Variants in UGGT2 observed in about 807,000 individuals in gnomAD.
UGGT2 encodes UDP-glucose:glycoprotein glucosyltransferase 2.
In UGGT2, 180 loss-of-function variants were observed where a neutral mutation model predicts 192.1. That is an observed-to-expected ratio of 0.94 (90% CI 0.83 to 1.06). The LOEUF (loss-of-function observed/expected upper bound fraction) is 1.06. Among genes scored for constraint, UGGT2 ranks in the 50% least tolerant of loss-of-function variants. The pLI is 0.00. For synonymous variants in UGGT2, 580 were observed against 591.0 expected (o/e 0.98, Z 0.27); for missense variants, 1,849 against 1,795.7 (o/e 1.03, Z -0.54).
intron 15 of UGGT2, among the ~76,000 whole-genome samples, chr13:95,944,383 C>T (rs971122827): frequency 6.6e-6 from 1 of 152,016 alleles, no homozygotes; most frequent in African/African-American, 2.4e-5. Context: ...AACATGGTCT[C>T]CAAATTCTTC....
chr13:96,002,245 T>C (rs889666493), intron 5 of UGGT2, among the ~76,000 whole-genome samples: 2 of 152,230 alleles, frequency 1.3e-5, no homozygotes, highest in African/African-American at 4.8e-5. Context: ...TTGATGGTAA[T>C]GTATCCATCC....
At chr13:95,802,587 G>A (rs550919040) in intron 38 of UGGT2, among the ~76,000 whole-genome samples, 1 of 152,220 alleles carries the variant, frequency 6.6e-6, no homozygotes, top group Non-Finnish European at 1.5e-5. Context: ...GGGATAGACT[G>A]CACGAAACAA....
At position 95,935,440 on chromosome 13, in the gene UGGT2, G is replaced by A. The variant is rs530083505; in HGVS notation, c.1977+1484C>T. Among the ~76,000 whole-genome samples the A allele has an allele frequency of 2.0e-5, 3 of 152,270 alleles. No individual in the cohort carries two copies. In the South Asian group the frequency reaches 6.2e-4, roughly 32 times the overall value. On this transcript the variant is annotated intron_variant, in intron 17 of 38. Coordinates refer to ENST00000376747, the MANE Select transcript of UGGT2 (RefSeq NM_020121.4). ...TTCACTTATGAAGCTTAGTTTGACA[G>A]GACACAAAATTCTTGGTTGGAATTT...
Position 95,808,867 on chromosome 13 carries a change from G to A in UGGT2, c.4529-7055C>T, listed in dbSNP as rs992894264. On this transcript the variant is annotated intron_variant, in intron 38 of 38. Coordinates refer to ENST00000376747, the MANE Select transcript of UGGT2 (RefSeq NM_020121.4). The stretch of plus-strand genomic sequence containing the variant: ...ACACAATTCAGACAGGGAAATCCAC[G>A]AATATGGAGTGGTTTTCTTTAGGAA... 1.2e-4 allele frequency among the ~76,000 whole-genome samples: 19 copies of A among 152,256 alleles called. No individual in the cohort carries two copies. In the East Asian group the frequency reaches 1.4e-3, roughly 11 times the overall value.
intron 9 of UGGT2, 39 bp downstream of exon 9, chr13:95,986,294 G>T: frequency 7.5e-7 from 1 of 1,340,198 alleles, no homozygotes. Flanking sequence ...TTAATAGAAA[G>T]AGTTATAGCT....
intron 20 of UGGT2, among the ~76,000 whole-genome samples, chr13:95,913,037 G>A (rs2048554768): frequency 6.6e-6 from 1 of 152,210 alleles, no homozygotes. Context: ...CTAGCCATAT[G>A]TAGAAAGCTG....
intron 2 of UGGT2, among the ~76,000 whole-genome samples, chr13:96,029,141 A>G (rs1020380937): frequency 3.3e-5 from 5 of 152,120 alleles, no homozygotes; most frequent in African/African-American, 1.2e-4. Flanking sequence ...ACACAGTGAG[A>G]CACCGTCTCA....
chr13:95,968,499 G>A (rs1379623270), intron 12 of UGGT2, among the ~76,000 whole-genome samples: 1 of 152,090 alleles, frequency 6.6e-6, no homozygotes, highest in African/African-American at 2.4e-5. Context: ...GGTCATGGGG[G>A]CAGATCCCTC....
At chr13:95,977,264 A>G (rs2050967377) in intron 10 of UGGT2, among the ~76,000 whole-genome samples, 1 of 152,218 alleles carries the variant, frequency 6.6e-6, no homozygotes, top group African/African-American at 2.4e-5. Context: ...GTGAACAGGC[A>G]ACCTACAGAA....
chr13:95,949,945 T>C (rs2050003974), intron 12 of UGGT2, among the ~76,000 whole-genome samples: 1 of 152,128 alleles, frequency 6.6e-6, no homozygotes, highest in African/African-American at 2.4e-5. Context: ...TAGAGGCATG[T>C]GGTCGGGGAA....
At chr13:95,880,573 T>C (rs898783620) in intron 27 of UGGT2, among the ~76,000 whole-genome samples, 13 of 152,212 alleles carry the variant, frequency 8.5e-5, no homozygotes, top group South Asian at 2.1e-4. Flanking sequence ...TTCCTTTATC[T>C]GTGGTTTCTC....
intron 2 of UGGT2, among the ~76,000 whole-genome samples, chr13:96,028,158 ATAATT>A (rs1017618264): frequency 4.6e-5 from 7 of 152,150 alleles, no homozygotes; most frequent in Non-Finnish European, 5.9e-5. Context: ...CCTTTATCCT[ATAATT>A]TATTTTATCT....
chr13:96,034,771 C>G (rs570012470), intron 1 of UGGT2, among the ~76,000 whole-genome samples: 4 of 152,216 alleles, frequency 2.6e-5, no homozygotes, highest in Non-Finnish European at 5.9e-5. Flanking sequence ...GTGCCAGTAC[C>G]TGGAGCTGCC....
At chr13:95,925,876 A>G (rs1427536422) in intron 19 of UGGT2, 102 bp from the exon 20 acceptor site, 8 of 716,096 alleles carry the variant, frequency 1.1e-5, no homozygotes, top group Admixed American at 7.3e-5. Flanking sequence ...AATTAAAATA[A>G]TATTTCTGAA....
intron 16 of UGGT2, among the ~76,000 whole-genome samples, chr13:95,939,476 C>CTTTTTTT: frequency 9.2e-6 from 1 of 109,140 alleles, no homozygotes; most frequent in Non-Finnish European, 1.9e-5. Context: ...GAGTTGTTGC[C>CTTTTTTT]TTTTTTTTTT....
At chr13:95,868,213 C>T (rs915927706) in intron 29 of UGGT2, among the ~76,000 whole-genome samples, 5 of 152,150 alleles carry the variant, frequency 3.3e-5, no homozygotes, top group African/African-American at 9.7e-5. Context: ...ATGACTGACA[C>T]GTCTTTGACT....
Position 95,931,043 on chromosome 13 carries a change from C to T in UGGT2, c.1978-3707G>A, listed in dbSNP as rs184853024. On this transcript the variant is annotated intron_variant, in intron 17 of 38. Coordinates refer to ENST00000376747, the MANE Select transcript of UGGT2 (RefSeq NM_020121.4). ...GGGCAGCCTGCTTTTATTCCCTTAT[C>T]TGGCCCCACCCACATCTTGCTGATT... 5.9e-5 allele frequency among the ~76,000 whole-genome samples: 9 copies of T among 152,314 alleles called. No individual in the cohort carries two copies. The East Asian group carries it at 9.7e-4, about 16-fold the overall frequency.
chr13:95,872,566 A>AT (rs562815755), intron 29 of UGGT2, among the ~76,000 whole-genome samples: 243 of 151,914 alleles, frequency 1.6e-3, no homozygotes, highest in African/African-American at 5.2e-3. Context: ...AGTAACATGT[A>AT]TTTTTTTTGC....
intron 38 of UGGT2, chr13:95,832,651 T>C (rs1177314308): frequency 6.1e-6 from 3 of 493,600 alleles, no homozygotes; most frequent in Non-Finnish European, 1.2e-5. Context: ...CCTTTTACTT[T>C]TATTTTTCAC....
Sources: allele counts gnomAD v4.1 joint callset (sites outside exome capture counted in the v4.1 genomes callset), GRCh38; gene constraint gnomAD v4.1.1; transcripts MANE v1.5; gene names NCBI Gene and HGNC (gene_info 2026-07-23, HGNC 2026-07-21).